Variants in CDH13 observed in about 807,000 individuals in gnomAD.
CDH13 encodes the protein cadherin-13.
Under a neutral mutation model 63.8 loss-of-function variants are expected in CDH13, and 24 were observed. The ratio of observed to expected loss-of-function variants is 0.38; its 90% CI spans 0.27 to 0.53. The LOEUF (loss-of-function observed/expected upper bound fraction) is 0.53. Among genes scored for constraint, CDH13 ranks in the 20% least tolerant of loss-of-function variants. CDH13 has a pLI of 0.85. For synonymous variants in CDH13, 503 were observed against 355.3 expected, an observed-to-expected ratio of 1.42 and a Z score of -4.67; for missense variants, 1,049 against 903.1, an observed-to-expected ratio of 1.16 and a Z score of -2.07.
intron 1 of CDH13, among the ~76,000 whole-genome samples, chr16:82,635,368 G>T (rs1908527075): frequency 6.6e-6 from 1 of 152,210 alleles, no homozygotes; most frequent in Non-Finnish European, 1.5e-5. Context: ...GGGTGTGGGT[G>T]GGGAAAGGCA....
At chr16:83,544,159 G>T (rs2075341870) in intron 7 of CDH13, among the ~76,000 whole-genome samples, 1 of 152,170 alleles carries the variant, frequency 6.6e-6, no homozygotes, top group Non-Finnish European at 1.5e-5. Flanking sequence ...TCTCTGAGGT[G>T]AGAACTATTA....
At chr16:83,077,562 T>A (rs1032841653) in intron 3 of CDH13, among the ~76,000 whole-genome samples, 2 of 152,172 alleles carry the variant, frequency 1.3e-5, no homozygotes, top group Non-Finnish European at 2.9e-5. Flanking sequence ...CTAGGTAATA[T>A]TCTGTCACCT....
chr16:83,455,889 G>C lies in CDH13; in HGVS notation c.782-30588G>C, dbSNP rs147593101. On this transcript the variant is annotated intron_variant, in intron 6 of 13. Coordinates refer to ENST00000567109, the MANE Select transcript of CDH13 (RefSeq NM_001257.5). ...CACTAATTAAATTTCATCTCTCGCA[G>C]CTCTGGAAAAACGACAGACTAGTGC... 7.0e-3 allele frequency among the ~76,000 whole-genome samples: 1,062 copies of C among 152,336 alleles called. 59 individuals carry two copies. The highest frequency in any genetic ancestry group is 0.064 in the Admixed American group (972 of 15,306).
At chr16:83,244,928 A>T (rs748919192) in intron 5 of CDH13, among the ~76,000 whole-genome samples, 1 of 152,072 alleles carries the variant, frequency 6.6e-6, no homozygotes, top group Non-Finnish European at 1.5e-5. Flanking sequence ...CCAGAAGGAA[A>T]AACGGTGTTC....
chr16:82,783,147 G>A (rs1356087029), intron 1 of CDH13, among the ~76,000 whole-genome samples: 2 of 152,206 alleles, frequency 1.3e-5, no homozygotes, highest in African/African-American at 2.4e-5. Context: ...GACATTTCCT[G>A]TGAAAGAAAC....
At chr16:82,649,039 G>C (rs3910224) in intron 1 of CDH13, among the ~76,000 whole-genome samples, 29,101 of 152,038 alleles carry the variant, frequency 0.19, 3,437 homozygotes, top group African/African-American at 0.33. Flanking sequence ...ACATTTTAAA[G>C]CATTTTGAAT....
chr16:82,832,261 G>T (rs1258702710), intron 1 of CDH13, among the ~76,000 whole-genome samples: 4 of 151,924 alleles, frequency 2.6e-5, no homozygotes, highest in East Asian at 3.9e-4. Flanking sequence ...CTTTATAAAT[G>T]GCAGAATATT....
chr16:82,715,094 C>G (rs780790792), intron 1 of CDH13, among the ~76,000 whole-genome samples: 1 of 149,682 alleles, frequency 6.7e-6, no homozygotes, highest in Non-Finnish European at 1.5e-5. Flanking sequence ...GGAACTTAGA[C>G]AGGACCCTAG....
At position 82,832,601 on chromosome 16, in the gene CDH13, C is replaced by CA. The variant is rs36043000; in HGVS notation, c.46-25748dup. Among the ~76,000 whole-genome samples, 1,228 of 147,278 alleles carry CA rather than the reference C, an allele frequency of 8.3e-3. 12 individuals carry two copies. The highest frequency in any genetic ancestry group is 0.028 in the African/African-American group (1,138 of 40,204). On this transcript the variant is annotated intron_variant, in intron 1 of 13. Coordinates refer to ENST00000567109, the MANE Select transcript of CDH13 (RefSeq NM_001257.5). ...TATAAATCATGTGCAAGATTCCCAG[C>CA]AAAAAAAAAAAAATGAATCTTAAAC...
chr16:83,117,313 C>A (rs985141323), intron 3 of CDH13, among the ~76,000 whole-genome samples: 10 of 152,192 alleles, frequency 6.6e-5, no homozygotes, highest in African/African-American at 1.9e-4. Context: ...AGCTGCCACA[C>A]TGAAGCTCCG....
intron 7 of CDH13, among the ~76,000 whole-genome samples, chr16:83,589,523 C>G (rs1906528927): frequency 6.6e-6 from 1 of 151,858 alleles, no homozygotes; most frequent in African/African-American, 2.4e-5. Context: ...TTAACAAAGC[C>G]TCTTGTGCCA....
chr16:83,002,315 A>T (rs1333367821), intron 2 of CDH13, among the ~76,000 whole-genome samples: 2 of 152,188 alleles, frequency 1.3e-5, no homozygotes, highest in Non-Finnish European at 2.9e-5. Context: ...ATGAATACGG[A>T]GGCAACTCTT....
chr16:82,810,321 G>C (rs1826490577), intron 1 of CDH13, among the ~76,000 whole-genome samples: 2 of 152,154 alleles, frequency 1.3e-5, no homozygotes, highest in Admixed American at 6.6e-5. Context: ...AGTTAGGGAG[G>C]AAACAAATGC....
At chr16:83,478,854 GA>G (rs1169717784) in intron 6 of CDH13, among the ~76,000 whole-genome samples, 35 of 138,026 alleles carry the variant, frequency 2.5e-4, no homozygotes, top group African/African-American at 1.6e-4. Flanking sequence ...AAAAAAAAAA[GA>G]AAAAAAGAAA....
chr16:83,481,997 C>T (rs1397746460), intron 6 of CDH13, among the ~76,000 whole-genome samples: 1 of 152,154 alleles, frequency 6.6e-6, no homozygotes, highest in East Asian at 1.9e-4. Flanking sequence ...CACTGAGGCC[C>T]ACCTGCTGCA....
At chr16:82,787,841 A>AGTGTCTGTGTGTGTGTGTGTGTGTGTGT (rs1555516777) in intron 1 of CDH13, among the ~76,000 whole-genome samples, 1 of 146,654 alleles carries the variant, frequency 6.8e-6, no homozygotes, top group Non-Finnish European at 1.5e-5. Context: ...GAAGGGAGGA[A>AGTGTCTGTGTGTGTGTGTGTGTGTGTGT]GTGTGTGTGT....
chr16:83,065,298 G>T (rs1328386066), intron 3 of CDH13, among the ~76,000 whole-genome samples: 6 of 152,196 alleles, frequency 3.9e-5, no homozygotes, highest in African/African-American at 2.4e-5. Flanking sequence ...TGCACAGGTA[G>T]GAAAAGCCTT....
intron 8 of CDH13, among the ~76,000 whole-genome samples, chr16:83,624,259 C>A (rs1910069949): frequency 6.6e-6 from 1 of 152,034 alleles, no homozygotes; most frequent in Non-Finnish European, 1.5e-5. Context: ...ATGCTACTCT[C>A]ATAGAAAGAC....
intron 13 of CDH13, among the ~76,000 whole-genome samples, chr16:83,794,053 T>G (rs1208987373): frequency 6.6e-6 from 1 of 152,142 alleles, no homozygotes; most frequent in Non-Finnish European, 1.5e-5. Context: ...AGCCAAGGGA[T>G]GCAGGCAACC....
Sources: allele counts gnomAD v4.1 joint callset (sites outside exome capture counted in the v4.1 genomes callset), GRCh38; gene constraint gnomAD v4.1.1; transcripts MANE v1.5; gene names NCBI Gene and HGNC (gene_info 2026-07-23, HGNC 2026-07-21).